Variants in CHN2 observed in about 807,000 individuals in gnomAD.
The protein encoded by CHN2 is chimerin 2, also known as beta-chimaerin.
A neutral mutation model predicts 56.3 loss-of-function variants in CHN2; 35 were observed. The observed-to-expected ratio is 0.62, with a 90% CI of 0.47 to 0.82. The LOEUF is 0.82. Among genes scored for constraint, CHN2 ranks in the 40% least tolerant of loss-of-function variants. The pLI is 0.00. For missense variants in CHN2, 491 were observed against 580.5 expected (o/e 0.85, Z 1.58); for synonymous variants, 210 against 212.8 (o/e 0.99, Z 0.12).
At chr7:29,173,864 A>C (rs752865630) in intron 2 of CHN2, among the ~76,000 whole-genome samples, 2 of 151,408 alleles carry the variant, frequency 1.3e-5, no homozygotes, top group Non-Finnish European at 2.9e-5. Context: ...AGGCACTAGA[A>C]TTACTTGGAC....
At chr7:29,414,064 G>T (rs746916170) in intron 6 of CHN2, among the ~76,000 whole-genome samples, 3 of 152,088 alleles carry the variant, frequency 2.0e-5, no homozygotes, top group Non-Finnish European at 4.4e-5. Context: ...AAAGGATTGG[G>T]CAATACTATA....
upstream of CHN2, chr7:29,193,935 G>A (rs968969258): frequency 2.0e-5 from 3 of 152,314 alleles, no homozygotes; most frequent in Non-Finnish European, 4.4e-5. Flanking sequence ...GGTTACTTAA[G>A]TGTAGCTGGG....
chr7:29,318,347 T>C (rs950060697), intron 1 of CHN2, among the ~76,000 whole-genome samples: 2 of 152,142 alleles, frequency 1.3e-5, no homozygotes, highest in Non-Finnish European at 2.9e-5. Context: ...AAGGACAGAG[T>C]TGAATAGGTG....
chr7:29,228,913 G>A (rs773067306), intron 1 of CHN2, among the ~76,000 whole-genome samples: 4 of 152,194 alleles, frequency 2.6e-5, no homozygotes, highest in East Asian at 1.9e-4. Context: ...CTGCTTTCAC[G>A]CCCATTCTTC....
At chr7:29,437,584 C>T (rs1410896885) in intron 6 of CHN2, among the ~76,000 whole-genome samples, 3 of 71,302 alleles carry the variant, frequency 4.2e-5, no homozygotes, top group Admixed American at 1.3e-4. Flanking sequence ...GGCGACAGAG[C>T]GAGACTCCGT....
rs181768202 is a variant in CHN2, at chr7:29,313,605, A to G, written c.50-41020A>G. Among the ~76,000 whole-genome samples, 284 of 152,276 alleles carry G rather than the reference A, an allele frequency of 1.9e-3. 3 individuals are homozygous for G. The highest frequency in any genetic ancestry group is 3.4e-3 in the Middle Eastern group (1 of 294). On this transcript the variant is annotated intron_variant, in intron 1 of 12. Coordinates refer to ENST00000222792, the MANE Select transcript of CHN2 (RefSeq NM_004067.4). ...TCATTTAGAGAAATGCTGTCTTTAG[A>G]GATACAGTATTTGACCAACCCTGGA...
In CHN2 at chr7:29,467,356, G is replaced by A. The variant is rs1028399181; in HGVS notation, c.577-12923G>A. Among the ~76,000 whole-genome samples the A allele has an allele frequency of 5.9e-5, 9 of 152,114 alleles. 1 individual carries two copies. Among genetic ancestry groups the A allele is most frequent in the Admixed American group, 5.9e-4 (9 of 15,266 alleles). On this transcript the variant is annotated intron_variant, in intron 6 of 12. Transcript: ENST00000222792. The stretch of plus-strand genomic sequence containing the variant: ...TTTGATATGCGTGTTTGTGTGTAGC[G>A]GGTGGGGTAGGGCATGTTGTTTAAC...
At chr7:29,327,667 T>C (rs920639877) in intron 1 of CHN2, among the ~76,000 whole-genome samples, 10 of 152,154 alleles carry the variant, frequency 6.6e-5, no homozygotes, top group Non-Finnish European at 1.3e-4. Flanking sequence ...TGCTCCCATA[T>C]TGGGATAGCC....
chr7:29,229,322 G>A (rs1162166818), intron 1 of CHN2, among the ~76,000 whole-genome samples: 3 of 152,092 alleles, frequency 2.0e-5, no homozygotes, highest in Non-Finnish European at 4.4e-5. Context: ...TAGTGCACCA[G>A]ATTGTAATAT....
intron 2 of CHN2, among the ~76,000 whole-genome samples, chr7:29,164,029 A>G (rs1795554914): frequency 6.6e-6 from 1 of 152,202 alleles, no homozygotes; most frequent in South Asian, 2.1e-4. Flanking sequence ...TCTTGGGTAA[A>G]TACCTAGGTT....
intron 2 of CHN2, among the ~76,000 whole-genome samples, chr7:29,167,121 C>T (rs1168398945): frequency 6.6e-6 from 1 of 152,116 alleles, no homozygotes; most frequent in Admixed American, 6.6e-5. Flanking sequence ...CTGGTAACAT[C>T]CCTACCTTGA....
chr7:29,164,904 G>T (rs1454720363), intron 2 of CHN2, among the ~76,000 whole-genome samples: 2 of 150,380 alleles, frequency 1.3e-5, no homozygotes, highest in Non-Finnish European at 2.9e-5. Context: ...ATTGATCTTT[G>T]TATATCTATC....
chr7:29,396,407 G>A (rs995466005), intron 4 of CHN2, among the ~76,000 whole-genome samples: 5 of 137,976 alleles, frequency 3.6e-5, no homozygotes, highest in Non-Finnish European at 6.1e-5. Context: ...CAGTGAGCGA[G>A]CTGAGATCGC....
chr7:29,237,194 A>G (rs1787264832), intron 1 of CHN2, among the ~76,000 whole-genome samples: 1 of 152,200 alleles, frequency 6.6e-6, no homozygotes, highest in Non-Finnish European at 1.5e-5. Context: ...ATTTTCCATT[A>G]TAATGTATGA....
intron 1 of CHN2, among the ~76,000 whole-genome samples, chr7:29,210,155 C>G (rs1784806796): frequency 6.6e-6 from 1 of 152,098 alleles, no homozygotes; most frequent in Non-Finnish European, 1.5e-5. Flanking sequence ...TTGGTGGTCC[C>G]CCAAGGGAAC....
At chr7:29,308,935 T>G (rs904115111) in intron 1 of CHN2, among the ~76,000 whole-genome samples, 6 of 152,196 alleles carry the variant, frequency 3.9e-5, no homozygotes, top group Non-Finnish European at 5.9e-5. Context: ...GATAGGAACA[T>G]GTCTGTTTTG....
chr7:29,149,189 CTTTTTTTTTTT>C (rs60520174), intron 2 of CHN2, among the ~76,000 whole-genome samples: 5 of 100,340 alleles, frequency 5.0e-5, no homozygotes, highest in South Asian at 7.8e-4. Flanking sequence ...GTCTGTTTCC[CTTTTTTTTTTT>C]TTTTTTTTTT....
intron 1 of CHN2, chr7:29,212,552 C>T (rs1785034289): frequency 2.0e-6 from 3 of 1,480,254 alleles, no homozygotes; most frequent in Admixed American, 1.7e-5. Flanking sequence ...GAATAATGCC[C>T]CAAAAAAGGG....
At chr7:29,506,320 T>C (rs192960417) in intron 10 of CHN2, among the ~76,000 whole-genome samples, 21 of 152,222 alleles carry the variant, frequency 1.4e-4, no homozygotes, top group Admixed American at 3.9e-4. Context: ...TAGTATAATA[T>C]ATTTAAAGTG....
Sources: allele counts gnomAD v4.1 joint callset (sites outside exome capture counted in the v4.1 genomes callset), GRCh38; gene constraint gnomAD v4.1.1; transcripts MANE v1.5; gene names NCBI Gene and HGNC (gene_info 2026-07-23, HGNC 2026-07-21).